The following NRCAM variants were observed in gnomAD, a reference collection of about 807,000 sequenced individuals.
NRCAM encodes the protein neuronal cell adhesion molecule, also known as NgCAM-related cell adhesion molecule.
Under a neutral mutation model 156.5 loss-of-function variants are expected in NRCAM, and 83 were observed. That is an observed-to-expected ratio of 0.53 (90% confidence interval 0.44 to 0.64). The LOEUF (loss-of-function observed/expected upper bound fraction) is 0.64. NRCAM is among the 30% of genes least tolerant of loss of function. The pLI is 0.00. For missense variants in NRCAM, 1,417 were observed against 1,597.3 expected, an observed-to-expected ratio of 0.89 and a Z score of 1.92; for synonymous variants, 538 against 563.9, an observed-to-expected ratio of 0.95 and a Z score of 0.65.
At chr7:108,350,375 A>G (rs17334792) in intron 2 of NRCAM, among the ~76,000 whole-genome samples, 54,077 of 152,036 alleles carry the variant, frequency 0.36, 9,791 homozygotes, top group Middle Eastern at 0.4. Flanking sequence ...TTTACTCATC[A>G]GGTTTTCCTG....
At chr7:108,291,193 A>G (rs1055749215) in intron 3 of NRCAM, among the ~76,000 whole-genome samples, 2 of 152,172 alleles carry the variant, frequency 1.3e-5, no homozygotes, top group African/African-American at 4.8e-5. Context: ...TTTACATAGC[A>G]TGAGTGTTCT....
intron 12 of NRCAM, 115 bp downstream of exon 12, chr7:108,209,306 T>A: frequency 1.4e-6 from 1 of 704,342 alleles, no homozygotes; most frequent in Non-Finnish European, 2.3e-6. Context: ...CAAGGTACCA[T>A]GAATGTTGAC....
chr7:108,450,957 G>A (rs1312305153), intron 1 of NRCAM, among the ~76,000 whole-genome samples: 7 of 152,254 alleles, frequency 4.6e-5, no homozygotes, highest in South Asian at 2.1e-4. Context: ...GGTGACTCAC[G>A]CTTGTAATCT....
chr7:108,449,190 G>T (rs1032035219), intron 1 of NRCAM, among the ~76,000 whole-genome samples: 2 of 152,110 alleles, frequency 1.3e-5, no homozygotes, highest in Non-Finnish European at 2.9e-5. Flanking sequence ...CAACATTTCG[G>T]GTGTGCCATC....
intron 3 of NRCAM, among the ~76,000 whole-genome samples, chr7:108,299,309 C>T (rs2098542657): frequency 6.6e-6 from 1 of 151,736 alleles, no homozygotes; most frequent in Non-Finnish European, 1.5e-5. Context: ...GCTCAAGTTC[C>T]TGGGTGACAG....
At chr7:108,300,867 A>T (rs7797748) in intron 3 of NRCAM, among the ~76,000 whole-genome samples, 2,349 of 152,234 alleles carry the variant, frequency 0.015, 55 homozygotes, top group African/African-American at 0.052. Context: ...AAAGCTTTTT[A>T]AAAAAATTAC....
intron 11 of NRCAM, 29 bp from the exon 12 acceptor site, chr7:108,209,634 C>CA (rs34741953): frequency 6.7e-7 from 1 of 1,501,096 alleles, no homozygotes; most frequent in East Asian, 2.4e-5. Context: ...AATGATGTTA[C>CA]AAAAAAGGAA....
chr7:108,392,749 T>C (rs1253879695), intron 2 of NRCAM, among the ~76,000 whole-genome samples: 1 of 152,136 alleles, frequency 6.6e-6, no homozygotes, highest in Non-Finnish European at 1.5e-5. Context: ...GGGGTTTTGG[T>C]GTGGATGTCG....
At chr7:108,212,461 A>C (rs1295341988) in intron 11 of NRCAM, among the ~76,000 whole-genome samples, 1 of 152,226 alleles carries the variant, frequency 6.6e-6, no homozygotes, top group Non-Finnish European at 1.5e-5. Flanking sequence ...GAGGCACCAG[A>C]GAAAGGCAAA....
chr7:108,417,240 G>C (rs1483113211), intron 1 of NRCAM, among the ~76,000 whole-genome samples: 2 of 152,198 alleles, frequency 1.3e-5, no homozygotes, highest in Non-Finnish European at 2.9e-5. Context: ...TGTTATAACA[G>C]AAAACCTGAG....
intron 10 of NRCAM, 135 bp downstream of exon 10, chr7:108,225,510 C>A: frequency 1.4e-6 from 1 of 705,792 alleles, no homozygotes; most frequent in Non-Finnish European, 2.5e-6. Flanking sequence ...AAGAAACATA[C>A]ATTTATACTA....
At chr7:108,356,734 G>C (rs17155536) in intron 2 of NRCAM, among the ~76,000 whole-genome samples, 15,104 of 152,082 alleles carry the variant, frequency 0.099, 917 homozygotes, top group African/African-American at 0.17. Context: ...AGAGGTTGAC[G>C]GTACCCAAGT....
At chr7:108,373,937 G>A (rs2099645047) in intron 2 of NRCAM, among the ~76,000 whole-genome samples, 1 of 152,094 alleles carries the variant, frequency 6.6e-6, no homozygotes, top group Non-Finnish European at 1.5e-5. Flanking sequence ...GTTTTTAAAT[G>A]TCCTTCCCAT....
intron 1 of NRCAM, among the ~76,000 whole-genome samples, chr7:108,434,541 T>TACACACACACACAC (rs141756969): frequency 1.2e-3 from 173 of 141,236 alleles, no homozygotes; most frequent in African/African-American, 4.5e-3. Flanking sequence ...CAATGGAATG[T>TACACACACACACAC]ACACACACAC....
intron 1 of NRCAM, among the ~76,000 whole-genome samples, chr7:108,404,090 A>G (rs1228508005): frequency 6.6e-6 from 1 of 152,054 alleles, no homozygotes; most frequent in Non-Finnish European, 1.5e-5. Context: ...GCCTCACTCC[A>G]CTAATTGGAT....
At chr7:108,314,635 A>C (rs1481132443) in intron 2 of NRCAM, among the ~76,000 whole-genome samples, 1 of 152,242 alleles carries the variant, frequency 6.6e-6, no homozygotes, top group Non-Finnish European at 1.5e-5. Context: ...AATTCTGAAA[A>C]GTGAATACTT....
intron 2 of NRCAM, among the ~76,000 whole-genome samples, chr7:108,352,239 G>C (rs1180167063): frequency 6.6e-6 from 1 of 152,108 alleles, no homozygotes; most frequent in African/African-American, 2.4e-5. Flanking sequence ...CATCCTATTG[G>C]CAAGTCCCTG....
intron 2 of NRCAM, among the ~76,000 whole-genome samples, chr7:108,382,248 A>C (rs572087261): frequency 6.6e-6 from 1 of 151,546 alleles, no homozygotes; most frequent in Non-Finnish European, 1.5e-5. Flanking sequence ...AATGTAGAAA[A>C]AAACTCTTTA....
chr7:108,427,736 T>C (rs1350793320), intron 1 of NRCAM, among the ~76,000 whole-genome samples: 1 of 152,214 alleles, frequency 6.6e-6, no homozygotes, highest in Non-Finnish European at 1.5e-5. Context: ...ACAAAAATCT[T>C]GCCAATTCTT....
Sources: gnomAD v4.1 joint callset for allele counts (sites outside exome capture counted in the v4.1 genomes callset) on GRCh38, gnomAD v4.1.1 for gene constraint, MANE v1.5 for transcripts, NCBI Gene and HGNC (gene_info 2026-07-23, HGNC 2026-07-21) for gene names.